NPHP4: variants seen among roughly 807,000 people sequenced by gnomAD.
NPHP4 encodes nephrocystin 4.
NPHP4 carries 151 observed loss-of-function variants against 155.8 expected under a neutral mutation model. That is an observed-to-expected ratio of 0.97 (90% CI 0.85 to 1.11). NPHP4 has a LOEUF of 1.11. Ranked by LOEUF, NPHP4 falls within the 50% of genes least tolerant of loss-of-function variation. The pLI is 0.00. For synonymous variants in NPHP4, 845 were observed against 816.8 expected (o/e 1.03, Z -0.59); for missense variants, 1,956 against 1,925.7 (o/e 1.02, Z -0.29).
chr1:5,900,561 T>C lies in NPHP4; in HGVS notation c.2143+4056A>G, dbSNP rs1644622381. On this transcript the variant is annotated intron_variant, in intron 16 of 29. Transcript: ENST00000378156. Reference sequence around the variant, plus strand: ...GCCAGGGGAGGAGGGGAGGGCTAAATAGGTGGAGCGCAGGGGAGGTGTAGG... The same window carrying C: ...GCCAGGGGAGGAGGGGAGGGCTAAACAGGTGGAGCGCAGGGGAGGTGTAGG... Among the ~76,000 whole-genome samples, 4 of 152,046 alleles carry C rather than the reference T, an allele frequency of 2.6e-5. No homozygotes were observed. The South Asian group carries it at 6.2e-4, about 24-fold the overall frequency.
intron 11 of NPHP4, among the ~76,000 whole-genome samples, chr1:5,912,519 C>T (rs1385668502): frequency 3.9e-5 from 5 of 127,402 alleles, no homozygotes; most frequent in Non-Finnish European, 7.9e-5. Context: ...GCCTGGGCAA[C>T]ACAGTGAGAC....
chr1:5,888,249 G>T, intron 17 of NPHP4: 1 of 800,066 alleles, frequency 1.2e-6, no homozygotes, highest in Non-Finnish European at 1.5e-6. Context: ...CACTCTGCCC[G>T]AACGCCAACA....
chr1:5,962,802 G>T (rs1246427092), intron 5 of NPHP4, among the ~76,000 whole-genome samples: 3 of 152,238 alleles, frequency 2.0e-5, no homozygotes, highest in Non-Finnish European at 4.4e-5. Context: ...GGGCGGGCAG[G>T]CCCTGAAGGT....
chr1:5,967,159 T>C, intron 5 of NPHP4, 140 bp downstream of exon 5: 1 of 684,568 alleles, frequency 1.5e-6, no homozygotes, highest in Non-Finnish European at 2.5e-6. Context: ...CCACGAAACA[T>C]CTGCCAAAAC....
chr1:5,864,414 A>G lies in NPHP4; in HGVS notation c.3920T>C (p.Leu1307Pro). Residue 1307 changes from leucine to proline, a missense_variant, in exon 28 of 30, where the codon CTG (leucine) becomes CCG (proline). Coordinates refer to ENST00000378156, the MANE Select transcript of NPHP4 (RefSeq NM_015102.5). The part of the protein sequence containing the change: ...RAGSRFVHLN[L>P]VDVDCHQLVA... ...CAGCTGGTGGCAATCCACGTCCACC[A>G]GGTTGAGATGGACAAAGCGGCTGCC... 10 of 1,611,864 alleles carry G rather than the reference A, an allele frequency of 6.2e-6. No individual in the cohort carries two copies. Among genetic ancestry groups the G allele is most frequent in the Non-Finnish European group, 8.5e-6 (10 of 1,179,202 alleles).
Position 5,948,243 on chromosome 1 carries a change from G to T in NPHP4, c.819C>A (p.Gly273=), listed in dbSNP as rs757291395. Residue 273 remains glycine (G), a synonymous_variant, in exon 8 of 30, where the codon GGC becomes GGA. Coordinates refer to ENST00000378156, the MANE Select transcript of NPHP4 (RefSeq NM_015102.5). Reference sequence around the variant, plus strand: ...TCTCCAGGGCACCACCGTCCAGTGGGCCACATCCCTGGAAGAGGCACAGAA... The same window carrying T: ...TCTCCAGGGCACCACCGTCCAGTGGTCCACATCCCTGGAAGAGGCACAGAA... ...HVQDHFQEGC[G]PLDGGALEIL... is the part of the protein sequence containing the mutation. 1 of 1,568,608 alleles carries T rather than the reference G, an allele frequency of 6.4e-7. No homozygotes were observed.
At position 5,874,913 on chromosome 1, in the gene NPHP4, T is replaced by G; in HGVS notation, c.3005A>C (p.Gln1002Pro). ...EFVLKNPHNT[Q>P]HTVTVEIDNP... ...GTCGATCTCCACAGTCACCGTGTGC[T>G]GTGTGTTGTGGGGGTTCTTAAGCAC... Residue 1002 changes from glutamine to proline, a missense_variant, in exon 21 of 30, where the codon CAG (glutamine) becomes CCG (proline). Physicochemically the swap from Gln to Pro is moderately conservative, Grantham distance 76. Coordinates refer to ENST00000378156, the MANE Select transcript of NPHP4 (RefSeq NM_015102.5). The G allele has an allele frequency of 6.2e-7, 1 of 1,613,756 alleles. No homozygotes were observed. Among genetic ancestry groups the G allele is most frequent in the Non-Finnish European group, 8.5e-7 (1 of 1,179,860 alleles).
At chr1:5,974,935 C>A (rs1430210865) in intron 3 of NPHP4, among the ~76,000 whole-genome samples, 1 of 152,186 alleles carries the variant, frequency 6.6e-6, no homozygotes, top group Admixed American at 6.5e-5. Context: ...CAGATCCCCC[C>A]AAACCAATGC....
chr1:5,888,206 G>C, intron 17 of NPHP4: 7 of 458,478 alleles, frequency 1.5e-5, no homozygotes, highest in Non-Finnish European at 2.0e-5. Context: ...TCCTGACCAC[G>C]GGCTCTTCTG....
Position 5,905,586 on chromosome 1 carries a change from G to T in NPHP4, c.1763+46C>A, listed in dbSNP as rs762745598. On this transcript the variant is annotated intron_variant, in intron 14 of 29. Coordinates refer to ENST00000378156, the MANE Select transcript of NPHP4 (RefSeq NM_015102.5). The surrounding 1 kb of genome is among the most constrained non-coding windows in gnomAD (Gnocchi z 4.0). ...GGTTCACAAGGTCCAACAGTCTGACGGCACAGCACGTGACTGGTTCCATCC... is the reference window on the plus strand; with the variant it reads ...GGTTCACAAGGTCCAACAGTCTGACTGCACAGCACGTGACTGGTTCCATCC... 2 of 1,610,762 alleles carry T rather than the reference G, an allele frequency of 1.2e-6. No individual in the cohort carries two copies. The highest frequency in any genetic ancestry group is 1.7e-4 in the Middle Eastern group (1 of 5,870).
At chr1:5,962,511 T>A (rs1376121413) in intron 5 of NPHP4, among the ~76,000 whole-genome samples, 2 of 152,176 alleles carry the variant, frequency 1.3e-5, no homozygotes, top group Non-Finnish European at 2.9e-5. Flanking sequence ...CCTGCCTGCC[T>A]TTGTGTGTCA....
chr1:5,872,537 A>G (rs1642112451), intron 23 of NPHP4, among the ~76,000 whole-genome samples: 1 of 152,196 alleles, frequency 6.6e-6, no homozygotes, highest in Non-Finnish European at 1.5e-5. Flanking sequence ...TAAATAAAAT[A>G]AAGCAAGTTT....
intron 1 of NPHP4, among the ~76,000 whole-genome samples, chr1:5,990,236 C>G (rs1656032351): frequency 6.6e-6 from 1 of 152,206 alleles, no homozygotes; most frequent in South Asian, 2.1e-4. Context: ...AGAAGAGCCA[C>G]CACGCTTCAC....
rs745417131 is a variant in NPHP4 at position 5,961,881 on chromosome 1, C to G, written c.586G>C (p.Glu196Gln). ...QYTLKPHPAL[E>Q]PAFHLLPENL... ...TCAGGAAGAAGGTGGAACGCAGGCT[C>G]CAGGGCCGGGTGTGGCTTCAGCGTG... is the stretch of plus-strand genomic sequence containing the variant. Residue 196 changes from glutamate (E) to glutamine (Q), a missense_variant, in exon 6 of 30, where the codon GAG becomes CAG. Glu to Gln is a conservative substitution (Grantham distance 29). Coordinates refer to ENST00000378156, the MANE Select transcript of NPHP4 (RefSeq NM_015102.5). 1.2e-6 allele frequency: 2 copies of G among 1,613,902 alleles called. No individual in the cohort carries two copies. Among genetic ancestry groups the G allele is most frequent in the Non-Finnish European group, 1.7e-6 (2 of 1,179,788 alleles).
chr1:5,933,377 A>G, intron 9 of NPHP4, 48 bp from the exon 10 acceptor site: 1 of 1,495,770 alleles, frequency 6.7e-7, no homozygotes, highest in Non-Finnish European at 9.2e-7. Flanking sequence ...CACAGAAGTC[A>G]CCTGGAGAGG....
At chr1:5,911,513 T>C (rs997307274) in intron 11 of NPHP4, among the ~76,000 whole-genome samples, 1 of 152,210 alleles carries the variant, frequency 6.6e-6, no homozygotes, top group Non-Finnish European at 1.5e-5. Context: ...TCCAAGCACA[T>C]CTGAACTTCT....
At position 5,948,207 on chromosome 1, in the gene NPHP4, C is replaced by T; in HGVS notation, c.855G>A (p.Arg285=). The T allele has an allele frequency of 6.2e-7, 1 of 1,602,824 alleles. No individual in the cohort carries two copies. The highest frequency in any genetic ancestry group is 8.5e-7 in the Non-Finnish European group (1 of 1,176,302). The change falls in exon 8 of 30, where the codon CGG becomes CGA. Residue 285 remains arginine (R), a synonymous_variant. Transcript: ENST00000378156. ...CATTGTGCACGCCCACACGCAGGCG[C>T]CGCTCCAGGATCTCCAGGGCACCAC... The part of the protein sequence containing the change: ...LDGGALEILE[R]RLRVGVHNGL...
At chr1:5,957,052 C>T (rs1268709359) in intron 6 of NPHP4, among the ~76,000 whole-genome samples, 1 of 152,196 alleles carries the variant, frequency 6.6e-6, no homozygotes, top group Non-Finnish European at 1.5e-5. Flanking sequence ...CAACCAACAG[C>T]AGCAACCACG....
In NPHP4 at chr1:5,905,530, C is replaced by T; in HGVS notation, c.1764-47G>A. ...GGTAGCCTCCCGGGAAAGGGGGGACCCATTGATGCACCTCCCTGTGGAAAC... is the reference window on the plus strand; with the variant it reads ...GGTAGCCTCCCGGGAAAGGGGGGACTCATTGATGCACCTCCCTGTGGAAAC... On this transcript the variant is annotated intron_variant, in intron 14 of 29. Transcript: ENST00000378156. The surrounding 1 kb of genome is among the most constrained non-coding windows in gnomAD (Gnocchi z 4.0). The T allele has an allele frequency of 6.3e-7, 1 of 1,595,996 alleles. No individual in the cohort carries two copies. The highest frequency in any genetic ancestry group is 1.1e-5 in the South Asian group (1 of 90,338).
Sources: allele counts gnomAD v4.1 joint callset (sites outside exome capture counted in the v4.1 genomes callset), GRCh38; gene constraint gnomAD v4.1.1; non-coding constraint Gnocchi (gnomAD v3.1); transcripts MANE v1.5; gene names NCBI Gene and HGNC (gene_info 2026-07-23, HGNC 2026-07-21).